The following ATE1 variants were observed in gnomAD, a reference collection of about 807,000 sequenced individuals.
ATE1 encodes arginyl-tRNA--protein transferase 1.
In ATE1, 36 loss-of-function variants were observed where a neutral mutation model predicts 70.5. The ratio of observed to expected loss-of-function variants is 0.51; its 90% CI spans 0.39 to 0.67. The LOEUF is 0.67. Ranked by LOEUF, ATE1 falls within the 30% of genes least tolerant of loss-of-function variation. ATE1 has a pLI of 0.00. For missense variants in ATE1, 593 were observed against 629.5 expected (o/e 0.94, Z 0.62); for synonymous variants, 232 against 219.3 (o/e 1.06, Z -0.51).
intron 11 of ATE1, among the ~76,000 whole-genome samples, chr10:121,774,936 C>T (rs891672457): frequency 3.3e-5 from 5 of 152,136 alleles, no homozygotes; most frequent in South Asian, 2.1e-4. Context: ...TGAATAAGCA[C>T]GGTATTTCAG....
At chr10:121,903,022 T>C (rs929184030) in intron 5 of ATE1, among the ~76,000 whole-genome samples, 4 of 143,770 alleles carry the variant, frequency 2.8e-5, no homozygotes, top group African/African-American at 5.1e-5. Flanking sequence ...TGTGCCACCG[T>C]GCCTGGCTAA....
chr10:121,834,869 T>TATGAA, intron 10 of ATE1, among the ~76,000 whole-genome samples: 1 of 152,326 alleles, frequency 6.6e-6, no homozygotes, highest in East Asian at 1.9e-4. Context: ...TCCTTAAGTC[T>TATGAA]AGTATGAAAA....
At chr10:121,917,922 A>G (rs1251117477) in intron 3 of ATE1, among the ~76,000 whole-genome samples, 1 of 152,260 alleles carries the variant, frequency 6.6e-6, no homozygotes, top group African/African-American at 2.4e-5. Context: ...CCTACTGACT[A>G]ACAAGAAGCT....
chr10:121,823,605 T>C (rs939121250), intron 10 of ATE1, among the ~76,000 whole-genome samples: 15 of 152,320 alleles, frequency 9.8e-5, no homozygotes, highest in African/African-American at 3.6e-4. Context: ...GGAAGCACAT[T>C]TCCTTCTTCA....
intron 4 of ATE1, among the ~76,000 whole-genome samples, chr10:121,912,479 G>A (rs975574048): frequency 3.3e-5 from 5 of 151,154 alleles, no homozygotes; most frequent in South Asian, 2.1e-4. Context: ...GTGAAACCCC[G>A]TTTCTACTAA....
intron 11 of ATE1, among the ~76,000 whole-genome samples, chr10:121,778,408 T>C (rs1945832485): frequency 6.6e-6 from 1 of 152,192 alleles, no homozygotes; most frequent in South Asian, 2.1e-4. Flanking sequence ...TTCTCCATAA[T>C]GTATTGATAC....
At chr10:121,918,387 A>C (rs755697487) in intron 3 of ATE1, among the ~76,000 whole-genome samples, 7 of 152,322 alleles carry the variant, frequency 4.6e-5, no homozygotes, top group Non-Finnish European at 1.0e-4. Context: ...GCAATTCAGG[A>C]AACATTTGAT....
intron 7 of ATE1, among the ~76,000 whole-genome samples, chr10:121,892,126 G>C (rs1203412258): frequency 6.6e-6 from 1 of 152,218 alleles, no homozygotes; most frequent in East Asian, 1.9e-4. Context: ...GGGAAGCCAA[G>C]TAGCACATCC....
chr10:121,903,941 C>A (rs56094144), intron 5 of ATE1, among the ~76,000 whole-genome samples: 20,077 of 151,824 alleles, frequency 0.13, 1,526 homozygotes, highest in East Asian at 0.19. Flanking sequence ...GAAACAGAGA[C>A]AGGATTTACC....
At chr10:121,919,743 C>CA (rs1951806646) in intron 3 of ATE1, among the ~76,000 whole-genome samples, 1 of 152,022 alleles carries the variant, frequency 6.6e-6, no homozygotes, top group Non-Finnish European at 1.5e-5. Flanking sequence ...ACTAAAAACA[C>CA]AAAAATTAAC....
Position 121,827,643 on chromosome 10 carries a change from T to A in ATE1, c.1257+9075A>T, listed in dbSNP as rs1387445213. On this transcript the variant is annotated intron_variant, in intron 10 of 11. Coordinates refer to ENST00000224652, the MANE Select transcript of ATE1 (RefSeq NM_001001976.3). Reference sequence around the variant, plus strand: ...TGGCCACAATTATTACAATAGCTCATGTGAGCAATGACAGCACAACATTTG... The same window carrying A: ...TGGCCACAATTATTACAATAGCTCAAGTGAGCAATGACAGCACAACATTTG... 2.0e-5 allele frequency among the ~76,000 whole-genome samples: 3 copies of A among 152,262 alleles called. No individual in the cohort carries two copies. The East Asian group carries it at 5.8e-4, about 29-fold the overall frequency.
chr10:121,830,280 C>T (rs531715394), intron 10 of ATE1, among the ~76,000 whole-genome samples: 11 of 152,046 alleles, frequency 7.2e-5, no homozygotes, highest in Admixed American at 4.6e-4. Context: ...GGGAGAACTG[C>T]CCTCGGGAAT....
intron 7 of ATE1, among the ~76,000 whole-genome samples, chr10:121,878,979 G>A (rs1249947650): frequency 6.6e-6 from 1 of 152,154 alleles, no homozygotes; most frequent in South Asian, 2.1e-4. Flanking sequence ...AACAAGAAGA[G>A]TCTCAGCTTA....
intron 10 of ATE1, among the ~76,000 whole-genome samples, chr10:121,791,031 T>C (rs1443212977): frequency 1.3e-5 from 2 of 150,238 alleles, no homozygotes; most frequent in African/African-American, 2.5e-5. Context: ...TGTATATATG[T>C]ATATATGTGT....
intron 11 of ATE1, among the ~76,000 whole-genome samples, chr10:121,772,515 G>A (rs533556457): frequency 8.5e-5 from 13 of 152,104 alleles, no homozygotes; most frequent in Non-Finnish European, 1.5e-4. Context: ...AATGCAAGGG[G>A]CCCATCAAAA....
At chr10:121,926,813 T>C (rs1324042366) in intron 1 of ATE1, 1 of 985,346 alleles carries the variant, frequency 1.0e-6, no homozygotes, top group Admixed American at 6.1e-5. Context: ...TTGCATCCTG[T>C]TGATTTTCTC....
chr10:121,806,154 T>TA (rs1947087440), intron 10 of ATE1, among the ~76,000 whole-genome samples: 1 of 152,172 alleles, frequency 6.6e-6, no homozygotes. Flanking sequence ...AATGATACTT[T>TA]AAAAAACCAT....
chr10:121,789,721 T>TA (rs1361774973), intron 11 of ATE1, among the ~76,000 whole-genome samples: 1 of 151,934 alleles, frequency 6.6e-6, no homozygotes, highest in East Asian at 1.9e-4. Flanking sequence ...AAGTAGAAAG[T>TA]AAAAAAAGTA....
intron 10 of ATE1, among the ~76,000 whole-genome samples, chr10:121,805,247 AAAAT>A (rs1193128791): frequency 2.6e-5 from 4 of 152,248 alleles, no homozygotes; most frequent in Non-Finnish European, 5.9e-5. Context: ...AAATTTGAAT[AAAAT>A]AATAAACAAA....
Sources: allele counts gnomAD v4.1 joint callset (sites outside exome capture counted in the v4.1 genomes callset), GRCh38; gene constraint gnomAD v4.1.1; transcripts MANE v1.5; gene names NCBI Gene and HGNC (gene_info 2026-07-23, HGNC 2026-07-21).